Variants in ZNF385B observed in about 807,000 individuals in gnomAD.
ZNF385B encodes zinc finger protein 533.
In ZNF385B, 23 loss-of-function variants were observed where a neutral mutation model predicts 39.2. The ratio of observed to expected loss-of-function variants is 0.59; its 90% CI spans 0.42 to 0.83. ZNF385B has a LOEUF of 0.83. Among genes scored for constraint, ZNF385B ranks in the 40% least tolerant of loss-of-function variants. The pLI, the probability that ZNF385B is intolerant of heterozygous loss-of-function variation, is 0.00. For missense variants in ZNF385B, 552 were observed against 598.9 expected (o/e 0.92, Z 0.82); for synonymous variants, 205 against 222.6 (o/e 0.92, Z 0.70).
intron 1 of ZNF385B, among the ~76,000 whole-genome samples, chr2:179,800,456 A>G (rs1028407175): frequency 2.6e-5 from 4 of 152,202 alleles, no homozygotes; most frequent in African/African-American, 9.6e-5. Flanking sequence ...GAAATTTGCC[A>G]TTCTGCTTTT....
At chr2:179,529,527 G>C (rs2059129679) in intron 4 of ZNF385B, among the ~76,000 whole-genome samples, 1 of 152,092 alleles carries the variant, frequency 6.6e-6, no homozygotes, top group Non-Finnish European at 1.5e-5. Flanking sequence ...AAGTTCATAT[G>C]ATATTAGTAG....
At chr2:179,465,115 A>G (rs1406819492) in intron 6 of ZNF385B, among the ~76,000 whole-genome samples, 4 of 152,072 alleles carry the variant, frequency 2.6e-5, no homozygotes, top group Non-Finnish European at 5.9e-5. Flanking sequence ...TTTTTTCTGG[A>G]AACTTTTTCC....
intron 1 of ZNF385B, among the ~76,000 whole-genome samples, chr2:179,847,587 AC>A (rs772479832): frequency 9.9e-5 from 15 of 151,984 alleles, no homozygotes; most frequent in Admixed American, 3.9e-4. Context: ...GTTTTCCTAA[AC>A]CCTTCTCTTT....
chr2:179,764,237 C>A (rs911906162), intron 3 of ZNF385B, among the ~76,000 whole-genome samples: 2 of 152,096 alleles, frequency 1.3e-5, no homozygotes, highest in African/African-American at 4.8e-5. Flanking sequence ...TTTCTTTACT[C>A]CCTACTTCAT....
At chr2:179,461,514 C>A (rs977847208) in intron 6 of ZNF385B, among the ~76,000 whole-genome samples, 1 of 152,130 alleles carries the variant, frequency 6.6e-6, no homozygotes, top group Non-Finnish European at 1.5e-5. Context: ...TTAGCATGAG[C>A]ACTTGAAAAA....
intron 5 of ZNF385B, among the ~76,000 whole-genome samples, chr2:179,490,129 C>T (rs1299820582): frequency 2.0e-5 from 3 of 152,098 alleles, no homozygotes; most frequent in African/African-American, 7.2e-5. Context: ...CCCATCAACT[C>T]CAAATATTTC....
intron 6 of ZNF385B, among the ~76,000 whole-genome samples, chr2:179,481,602 C>T (rs184016085): frequency 8.0e-4 from 122 of 152,178 alleles, no homozygotes; most frequent in Non-Finnish European, 1.5e-3. Context: ...TCAGTAGCAA[C>T]GTTGTAACAT....
At chr2:179,848,184 G>A (rs2106624898) in intron 1 of ZNF385B, among the ~76,000 whole-genome samples, 1 of 152,294 alleles carries the variant, frequency 6.6e-6, no homozygotes, top group Middle Eastern at 3.4e-3. Context: ...AATTTATTAT[G>A]CTCCATTTCC....
intron 3 of ZNF385B, among the ~76,000 whole-genome samples, chr2:179,695,507 A>C (rs13025987): frequency 6.6e-6 from 1 of 152,140 alleles, no homozygotes; most frequent in South Asian, 2.1e-4. Flanking sequence ...GAATAAAAAA[A>C]CCAAAAAGTA....
chr2:179,644,605 T>C (rs572161963), intron 3 of ZNF385B, among the ~76,000 whole-genome samples: 107 of 152,320 alleles, frequency 7.0e-4, no homozygotes, highest in African/African-American at 2.5e-3. Flanking sequence ...TTGTGAAAGT[T>C]CAAATCAAGT....
Position 179,794,698 on chromosome 2 carries a change from C to G in ZNF385B, c.-154-24026G>C, listed in dbSNP as rs1264800280. ...AAAGTCTTACTGGGGAAATAAGAACCAACATCCACTTGTCCATAACTTTAG... is the reference window on the plus strand; with the variant it reads ...AAAGTCTTACTGGGGAAATAAGAACGAACATCCACTTGTCCATAACTTTAG... On this transcript the variant is annotated intron_variant, in intron 1 of 9. Transcript: ENST00000410066. 2.0e-5 allele frequency among the ~76,000 whole-genome samples: 3 copies of G among 152,028 alleles called. No homozygotes were observed. The East Asian group carries it at 5.8e-4, about 29-fold the overall frequency.
At chr2:179,676,118 TC>T (rs1234692907) in intron 3 of ZNF385B, among the ~76,000 whole-genome samples, 1 of 146,456 alleles carries the variant, frequency 6.8e-6, no homozygotes, top group African/African-American at 2.6e-5. Flanking sequence ...AGACGGAGTT[TC>T]GCTTTGCCGC....
chr2:179,579,032 T>C (rs1325572677), intron 3 of ZNF385B, among the ~76,000 whole-genome samples: 4 of 152,054 alleles, frequency 2.6e-5, no homozygotes, highest in Non-Finnish European at 4.4e-5. Context: ...TATCCTGACA[T>C]ACACAGTAAA....
chr2:179,858,956 TC>T (rs1684820692), intron 1 of ZNF385B, among the ~76,000 whole-genome samples: 1 of 152,224 alleles, frequency 6.6e-6, no homozygotes, highest in Non-Finnish European at 1.5e-5. Flanking sequence ...GGGTGGCCAG[TC>T]CAGGGACTTA....
At chr2:179,696,326 C>CTTTTTTTTTGTTTTTT (rs1698747414) in intron 3 of ZNF385B, among the ~76,000 whole-genome samples, 1 of 40,354 alleles carries the variant, frequency 2.5e-5, no homozygotes, top group East Asian at 7.9e-4. Context: ...CAAACTGGGA[C>CTTTTTTTTTGTTTTTT]TTTTTTTTTT....
chr2:179,513,285 C>T (rs987400950), intron 5 of ZNF385B, among the ~76,000 whole-genome samples: 1 of 152,084 alleles, frequency 6.6e-6, no homozygotes, highest in Non-Finnish European at 1.5e-5. Context: ...ATTATAGCAC[C>T]ATTACTAAAC....
chr2:179,706,137 G>A (rs183583838), intron 3 of ZNF385B, among the ~76,000 whole-genome samples: 5 of 152,264 alleles, frequency 3.3e-5, no homozygotes, highest in African/African-American at 7.2e-5. Flanking sequence ...TCTTATTTAC[G>A]GGGAATACCA....
intron 3 of ZNF385B, among the ~76,000 whole-genome samples, chr2:179,641,197 T>A (rs1329742291): frequency 4.5e-5 from 1 of 22,064 alleles, no homozygotes; most frequent in Admixed American, 2.4e-4. Flanking sequence ...GTCCTAGCCA[T>A]CTGCTATAAA....
intron 3 of ZNF385B, among the ~76,000 whole-genome samples, chr2:179,624,413 A>G (rs1515270): frequency 1 from 151,988 of 152,286 alleles, 75,846 homozygotes; most frequent in Non-Finnish European, 1. Flanking sequence ...ACAAATACCT[A>G]ACCATTTTAA....
Sources: allele counts gnomAD v4.1 joint callset (sites outside exome capture counted in the v4.1 genomes callset), GRCh38; gene constraint gnomAD v4.1.1; transcripts MANE v1.5; gene names NCBI Gene and HGNC (gene_info 2026-07-23, HGNC 2026-07-21).